The following PPHLN1 variants were observed in gnomAD, a reference collection of about 807,000 sequenced individuals.
PPHLN1 encodes the protein periphilin-1.
In PPHLN1, 29 loss-of-function variants were observed where a neutral mutation model predicts 51.3. The observed-to-expected ratio is 0.57, with a 90% CI of 0.42 to 0.77. The LOEUF is 0.77. Among genes scored for constraint, PPHLN1 ranks in the 30% least tolerant of loss-of-function variants. The pLI, the probability that PPHLN1 is intolerant of heterozygous loss-of-function variation, is 0.00. For synonymous variants in PPHLN1, 147 were observed against 147.8 expected (o/e 0.99, Z 0.04); for missense variants, 436 against 438.4 (o/e 0.99, Z 0.05).
chr12:42,366,128 A>G (rs1284215500), intron 4 of PPHLN1, among the ~76,000 whole-genome samples: 1 of 152,174 alleles, frequency 6.6e-6, no homozygotes, highest in African/African-American at 2.4e-5. Flanking sequence ...GGATAAAACA[A>G]CAAAAAAATC....
intron 9 of PPHLN1, among the ~76,000 whole-genome samples, chr12:42,439,221 GTATAAGA>G (rs1207676340): frequency 3.9e-5 from 6 of 152,148 alleles, no homozygotes; most frequent in African/African-American, 1.2e-4. Flanking sequence ...TTTTTGAAAG[GTATAAGA>G]TCTGTGTCTA....
chr12:42,398,642 C>G (rs2078502771), intron 8 of PPHLN1: 3 of 411,080 alleles, frequency 7.3e-6, no homozygotes, highest in Non-Finnish European at 1.3e-5. Flanking sequence ...ATGAAGTGTT[C>G]CATATTAAAA....
At chr12:42,428,424 C>T (rs2081696206) in intron 9 of PPHLN1, among the ~76,000 whole-genome samples, 1 of 152,176 alleles carries the variant, frequency 6.6e-6, no homozygotes, top group Non-Finnish European at 1.5e-5. Context: ...TAGATTACTA[C>T]TTAGCCATAA....
chr12:42,370,870 C>T (rs1297828494), intron 4 of PPHLN1, among the ~76,000 whole-genome samples: 4 of 152,088 alleles, frequency 2.6e-5, no homozygotes, highest in African/African-American at 9.7e-5. Flanking sequence ...CACTCTGTTG[C>T]CTAGGCTGGA....
At chr12:42,355,398 A>G (rs923039779) in intron 4 of PPHLN1, 176 bp downstream of exon 4, 19 of 529,228 alleles carry the variant, frequency 3.6e-5, no homozygotes, top group Non-Finnish European at 6.0e-5. Context: ...ACTGATAACT[A>G]GTGTTCCACA....
chr12:42,447,066 G>T (rs879135143), downstream of PPHLN1: 2 of 156,860 alleles, frequency 1.3e-5, no homozygotes, highest in East Asian at 1.9e-4. Context: ...ACTAAAGCTG[G>T]CACTCCCCCA....
intron 4 of PPHLN1, 114 bp downstream of exon 4, chr12:42,355,336 T>C: frequency 1.1e-6 from 1 of 897,998 alleles, no homozygotes; most frequent in Non-Finnish European, 1.8e-6. Context: ...GGATTTTAAA[T>C]TTTGAAAGCA....
chr12:42,404,415 G>A (rs1358728691), intron 9 of PPHLN1, among the ~76,000 whole-genome samples: 3 of 152,030 alleles, frequency 2.0e-5, no homozygotes, highest in East Asian at 1.9e-4. Context: ...TATAATCCTC[G>A]CTACTTAGGA....
intron 9 of PPHLN1, among the ~76,000 whole-genome samples, chr12:42,430,804 G>A (rs754478945): frequency 1.3e-5 from 2 of 152,054 alleles, no homozygotes; most frequent in African/African-American, 2.4e-5. Context: ...AATACACTGT[G>A]TTATCTCTTT....
intron 6 of PPHLN1, 37 bp downstream of exon 6, chr12:42,385,033 A>AGG (rs752475756): frequency 4.5e-6 from 7 of 1,545,488 alleles, no homozygotes; most frequent in Non-Finnish European, 6.3e-6. Flanking sequence ...GGGATTGTGA[A>AGG]GGGGTGGGAG....
chr12:42,329,520 T>C (rs1402563475), intron 1 of PPHLN1, among the ~76,000 whole-genome samples: 1 of 152,224 alleles, frequency 6.6e-6, no homozygotes, highest in Non-Finnish European at 1.5e-5. Flanking sequence ...AAATAGACAT[T>C]CCTGCTTTTT....
chr12:42,433,167 C>T, intron 9 of PPHLN1: 1 of 769,678 alleles, frequency 1.3e-6, no homozygotes, highest in South Asian at 1.4e-5. Flanking sequence ...ATAAAATTCT[C>T]CTTTCATCAT....
intron 5 of PPHLN1, chr12:42,375,283 C>A: frequency 3.9e-5 from 12 of 304,882 alleles, no homozygotes; most frequent in East Asian, 1.7e-4. Flanking sequence ...TTCTGCATGA[C>A]ACTTACCTTT....
At chr12:42,379,929 T>C (rs1429631107) in intron 5 of PPHLN1, among the ~76,000 whole-genome samples, 1 of 152,062 alleles carries the variant, frequency 6.6e-6, no homozygotes, top group African/African-American at 2.4e-5. Flanking sequence ...CCTCTAGAGA[T>C]CTGTTAACCT....
At chr12:42,362,050 A>G (rs1376215127) in intron 4 of PPHLN1, among the ~76,000 whole-genome samples, 1 of 152,108 alleles carries the variant, frequency 6.6e-6, no homozygotes, top group African/African-American at 2.4e-5. Context: ...GTTATATTCC[A>G]TGTGTTTGTG....
In PPHLN1 at chr12:42,441,726, GC is replaced by G; in HGVS notation, c.*219del. Reference sequence around the variant, plus strand: ...TGTAGAGATGGGGTTCACCATGTTGGCCAGGCTAGTCTCTAACTCCTGGCCT... The same window carrying G: ...TGTAGAGATGGGGTTCACCATGTTGGCAGGCTAGTCTCTAACTCCTGGCCT... On this transcript the variant is annotated 3_prime_UTR_variant, in exon 10 of 10. Transcript: ENST00000358314. 1 of 1,189,920 alleles carries G rather than the reference GC, an allele frequency of 8.4e-7. No individual in the cohort carries two copies. The highest frequency in any genetic ancestry group is 1.1e-6 in the Non-Finnish European group (1 of 941,686). The allele number at this position is 1,189,920 out of a possible 1,614,324, so 73.7% of individuals were successfully genotyped here.
intron 2 of PPHLN1, among the ~76,000 whole-genome samples, chr12:42,339,338 A>G (rs2071147375): frequency 6.6e-6 from 1 of 151,936 alleles, no homozygotes. Context: ...CTTTCTGTAT[A>G]TCCATATCCC....
intron 5 of PPHLN1, among the ~76,000 whole-genome samples, chr12:42,377,691 T>G (rs976935470): frequency 6.6e-6 from 1 of 152,216 alleles, no homozygotes; most frequent in Non-Finnish European, 1.5e-5. Context: ...CTTTGGAAAC[T>G]GATTATGAAA....
downstream of PPHLN1, chr12:42,442,492 GC>G (rs1566051312): frequency 9.0e-7 from 1 of 1,113,764 alleles, no homozygotes; most frequent in Non-Finnish European, 1.3e-6. Context: ...CAGGCCTTTG[GC>G]GTTCTGTCTG....
Sources: gnomAD v4.1 joint callset for allele counts (sites outside exome capture counted in the v4.1 genomes callset) on GRCh38, gnomAD v4.1.1 for gene constraint, MANE v1.5 for transcripts, NCBI Gene and HGNC (gene_info 2026-07-23, HGNC 2026-07-21) for gene names.